MALT1: variants seen among roughly 807,000 people sequenced by gnomAD.
MALT1 encodes MALT1 paracaspase.
In MALT1, 36 loss-of-function variants were observed where a neutral mutation model predicts 85.5. The ratio of observed to expected loss-of-function variants is 0.42; its 90% confidence interval spans 0.32 to 0.56. MALT1 has a LOEUF of 0.56. Among genes scored for constraint, MALT1 ranks in the 20% least tolerant of loss-of-function variants. The pLI, the probability that MALT1 is intolerant of heterozygous loss-of-function variation, is 0.10. For missense variants in MALT1, 716 were observed against 981.6 expected (o/e 0.73, Z 3.62); for synonymous variants, 359 against 361.3 (o/e 0.99, Z 0.07).
intron 13 of MALT1, among the ~76,000 whole-genome samples, chr18:58,737,779 C>T (rs556091948): frequency 1.1e-4 from 17 of 152,134 alleles, no homozygotes; most frequent in South Asian, 4.2e-4. Flanking sequence ...GATAGGGTTT[C>T]GCCATGTTGG....
chr18:58,709,239 T>C (rs2054798460), intron 4 of MALT1, 139 bp from the exon 5 acceptor site: 1 of 549,018 alleles, frequency 1.8e-6, no homozygotes, highest in African/African-American at 1.9e-5. Context: ...CTATGAGTGC[T>C]ATAGTTTTTT....
chr18:58,730,680 T>C (rs1294278614), intron 10 of MALT1, among the ~76,000 whole-genome samples: 2 of 152,218 alleles, frequency 1.3e-5, no homozygotes, highest in African/African-American at 4.8e-5. Flanking sequence ...TGGTAATCTA[T>C]ATTTAACTTT....
intron 10 of MALT1, among the ~76,000 whole-genome samples, chr18:58,728,476 A>C (rs1392754271): frequency 1.3e-5 from 2 of 151,988 alleles, no homozygotes; most frequent in Non-Finnish European, 2.9e-5. Context: ...ATGGTGGCAC[A>C]TGCCTGTGGT....
Position 58,734,553 on chromosome 18 carries a change from C to T in MALT1, c.1475+172C>T, listed in dbSNP as rs988206327. On this transcript the variant is annotated intron_variant, in intron 12 of 16. Coordinates refer to ENST00000649217, the MANE Select transcript of MALT1 (RefSeq NM_006785.4). ...ATCCTCCTGCCTCAGCCTTCTGAGT[C>T]GCTGGGATTACAGGCATGTGCCACT... The T allele has an allele frequency of 5.0e-5, 29 of 584,620 alleles. 1 individual carries two copies. The highest frequency in any genetic ancestry group is 2.4e-4 in the African/African-American group (13 of 53,818). The allele number at this position is 584,620 out of a possible 1,614,324, so 36.2% of individuals were successfully genotyped here. A position where few individuals can be genotyped will look rare whatever the true frequency, so the allele number is the denominator to read the frequency against.
At chr18:58,672,192 A>G (rs1471173923) in intron 1 of MALT1, 1 of 225,034 alleles carries the variant, frequency 4.4e-6, no homozygotes, top group African/African-American at 2.3e-5. Context: ...GACCCCTAGG[A>G]TGGGGCAGTC....
chr18:58,725,656 G>A (rs995016666), intron 10 of MALT1, among the ~76,000 whole-genome samples: 27 of 152,196 alleles, frequency 1.8e-4, no homozygotes, highest in African/African-American at 6.5e-4. Flanking sequence ...TATTGGTGAA[G>A]TATTTAAAGA....
At chr18:58,706,542 C>T (rs902438673) in intron 4 of MALT1, among the ~76,000 whole-genome samples, 3 of 152,120 alleles carry the variant, frequency 2.0e-5, no homozygotes, top group Non-Finnish European at 2.9e-5. Flanking sequence ...TCCTTCTGAC[C>T]CAGGTTGCTA....
chr18:58,709,689 C>G (rs943982787), intron 5 of MALT1, 133 bp downstream of exon 5: 1 of 803,324 alleles, frequency 1.2e-6, no homozygotes, highest in Non-Finnish European at 1.8e-6. Context: ...TATTTAAAGT[C>G]CCTTATGATT....
chr18:58,704,088 A>G (rs968469051), intron 4 of MALT1, among the ~76,000 whole-genome samples: 1 of 152,188 alleles, frequency 6.6e-6, no homozygotes, highest in Non-Finnish European at 1.5e-5. Flanking sequence ...GTTGATAGAC[A>G]TTTAGTTTGT....
At position 58,744,285 on chromosome 18, in the gene MALT1, TG is replaced by T. The variant is rs1382993624; in HGVS notation, c.1754-52del. 7 of 1,221,826 alleles carry T rather than the reference TG, an allele frequency of 5.7e-6. No individual in the cohort carries two copies. In the African/African-American group the frequency reaches 1.1e-4, roughly 19 times the overall value. The allele number at this position is 1,221,826 out of a possible 1,614,324, so 75.7% of individuals were successfully genotyped here. ...AACTATATTCTCCTCCATAAATATT[TG>T]CCTCTTATCATCAGAAAACCTACCA... On this transcript the variant is annotated intron_variant, in intron 14 of 16. Coordinates refer to ENST00000649217, the MANE Select transcript of MALT1 (RefSeq NM_006785.4).
In MALT1 at chr18:58,750,787, G is replaced by A. The variant is rs1237613750; in HGVS notation, c.*2945G>A. 1 of 152,164 alleles carries A rather than the reference G, an allele frequency of 6.6e-6. No individual in the cohort carries two copies. Among genetic ancestry groups the A allele is most frequent in the Non-Finnish European group, 1.5e-5 (1 of 68,026 alleles). 9.4% of individuals were successfully genotyped at this position (152,164 alleles called of 1,614,324 possible). On this transcript the variant is annotated 3_prime_UTR_variant, in exon 17 of 17. Coordinates refer to ENST00000649217, the MANE Select transcript of MALT1 (RefSeq NM_006785.4). ...TTTAAACTCTTAGAAGAAAACAGAA[G>A]TAAATCTTTGTGATGTTGGGCTTAG...
At chr18:58,719,628 G>T (rs908379995) in intron 9 of MALT1, among the ~76,000 whole-genome samples, 3 of 152,192 alleles carry the variant, frequency 2.0e-5, no homozygotes, top group African/African-American at 7.2e-5. Context: ...ACAGGTGGGG[G>T]TGACTGTACT....
At chr18:58,698,802 G>A (rs189718926) in intron 3 of MALT1, among the ~76,000 whole-genome samples, 63 of 152,264 alleles carry the variant, frequency 4.1e-4, no homozygotes, top group African/African-American at 1.4e-3. Flanking sequence ...GTTTCTTCAG[G>A]AAAGACAAAG....
At chr18:58,735,359 CAG>C in intron 13 of MALT1, 30 bp downstream of exon 13, 1 of 1,575,862 alleles carries the variant, frequency 6.3e-7, no homozygotes, top group East Asian at 2.2e-5. Context: ...GAAAAGTACT[CAG>C]AAAAAGGAGA....
At position 58,750,556 on chromosome 18, in the gene MALT1, C is replaced by G. The variant is rs1483333192; in HGVS notation, c.*2714C>G. 6.6e-6 allele frequency: 1 copy of G among 152,202 alleles called. No individual in the cohort carries two copies. The highest frequency in any genetic ancestry group is 2.4e-5 in the African/African-American group (1 of 41,452). The allele number at this position is 152,202 out of a possible 1,614,324, so 9.4% of individuals were successfully genotyped here. A position where few individuals can be genotyped will look rare whatever the true frequency, so the allele number is the denominator to read the frequency against. On this transcript the variant is annotated 3_prime_UTR_variant, in exon 17 of 17. Coordinates refer to ENST00000649217, the MANE Select transcript of MALT1 (RefSeq NM_006785.4). ...AGACATATCGATCAGAGGAATGGAA[C>G]TGAACATCCAGAAATAAACCCATAC...
intron 1 of MALT1, chr18:58,677,661 G>C (rs1219883776): frequency 6.7e-6 from 1 of 148,950 alleles, no homozygotes; most frequent in Non-Finnish European, 1.5e-5. Flanking sequence ...AAATGGAAAA[G>C]ACAATTTTAG....
chr18:58,710,841 T>A (rs942861788), intron 6 of MALT1, 80 bp from the exon 7 acceptor site: 23 of 857,602 alleles, frequency 2.7e-5, no homozygotes, highest in Non-Finnish European at 4.2e-5. Flanking sequence ...CTCTATGATA[T>A]TGATCTCTAT....
chr18:58,732,336 T>C (rs2055162226), intron 10 of MALT1, among the ~76,000 whole-genome samples: 1 of 151,802 alleles, frequency 6.6e-6, no homozygotes, highest in African/African-American at 2.4e-5. Context: ...CAAGAAAACA[T>C]TGAGTTGTTT....
chr18:58,712,774 A>G (rs1172597293), intron 7 of MALT1, among the ~76,000 whole-genome samples: 1 of 152,198 alleles, frequency 6.6e-6, no homozygotes, highest in East Asian at 1.9e-4. Flanking sequence ...GTGTCAAAAT[A>G]TCATATGTAT....
Sources: gnomAD v4.1 joint callset for allele counts (sites outside exome capture counted in the v4.1 genomes callset) on GRCh38, gnomAD v4.1.1 for gene constraint, MANE v1.5 for transcripts, NCBI Gene and HGNC (gene_info 2026-07-23, HGNC 2026-07-21) for gene names.